Variants in CHD1 observed in about 807,000 individuals in gnomAD.
The protein encoded by CHD1 is ATP-dependent chromatin remodeler CHD1.
CHD1 carries 36 observed loss-of-function variants against 224.2 expected under a neutral mutation model. The ratio of observed to expected loss-of-function variants is 0.16; its 90% CI spans 0.12 to 0.21. The LOEUF (loss-of-function observed/expected upper bound fraction) is 0.21, where lower values mean the gene tolerates loss of function less well. CHD1 is among the 10% of genes least tolerant of loss of function. The pLI is 1.00. For missense variants in CHD1, 1,378 were observed against 1,994.8 expected, an observed-to-expected ratio of 0.69 and a Z score of 5.89; for synonymous variants, 668 against 658.3, an observed-to-expected ratio of 1.01 and a Z score of -0.23.
intron 19 of CHD1, among the ~76,000 whole-genome samples, 160 bp downstream of exon 19, chr5:98,882,928 A>T (rs1229392971): frequency 6.6e-6 from 1 of 152,138 alleles, no homozygotes; most frequent in Non-Finnish European, 1.5e-5. Flanking sequence ...CAGACTCTCC[A>T]GGTGATTTTG....
At chr5:98,858,914 T>TAAA (rs751382695) in intron 34 of CHD1, 50 bp downstream of exon 34, 1 of 1,322,378 alleles carries the variant, frequency 7.6e-7, no homozygotes, top group Non-Finnish European at 1.0e-6. Flanking sequence ...AACAAAAATT[T>TAAA]AAAAAAAATT....
At chr5:98,859,843 G>A in intron 33 of CHD1, 129 bp downstream of exon 33, 1 of 515,604 alleles carries the variant, frequency 1.9e-6, no homozygotes, top group East Asian at 3.3e-5. Flanking sequence ...TCATTACTGT[G>A]GTGTTCAATG....
At chr5:98,881,455 C>A in intron 20 of CHD1, 80 bp from the exon 21 acceptor site, 1 of 637,628 alleles carries the variant, frequency 1.6e-6, no homozygotes, top group Non-Finnish European at 2.6e-6. Context: ...TAATTACTGA[C>A]ATTTTCACCT....
intron 5 of CHD1, among the ~76,000 whole-genome samples, chr5:98,902,165 T>C (rs1751761054): frequency 6.6e-6 from 1 of 152,010 alleles, no homozygotes; most frequent in South Asian, 2.1e-4. Context: ...TGATCCAATA[T>C]ACATCTATTA....
At chr5:98,880,450 CATAA>C (rs1750092513) in intron 22 of CHD1, among the ~76,000 whole-genome samples, 1 of 152,234 alleles carries the variant, frequency 6.6e-6, no homozygotes, top group East Asian at 1.9e-4. Context: ...GTAGGTGTTC[CATAA>C]ATATTTGTCA....
At chr5:98,925,127 A>C (rs1753370479) in intron 2 of CHD1, among the ~76,000 whole-genome samples, 2 of 152,168 alleles carry the variant, frequency 1.3e-5, no homozygotes, top group South Asian at 2.1e-4. Flanking sequence ...CACTGTAATT[A>C]ATGTTTTTTT....
chr5:98,908,514 A>C lies in CHD1; in HGVS notation c.54-3416T>G, dbSNP rs544936359. The stretch of plus-strand genomic sequence containing the variant: ...ATGTCAAGCATTAAATGAAGAGTAC[A>C]ATGTTTCATGGATAGATGAATAAAT... On this transcript the variant is annotated intron_variant, in intron 2 of 35. Coordinates refer to ENST00000614616, the MANE Select transcript of CHD1 (RefSeq NM_001270.4). Among the ~76,000 whole-genome samples, 11 of 152,280 alleles carry C rather than the reference A, an allele frequency of 7.2e-5. No homozygotes were observed. In the South Asian group the frequency reaches 2.3e-3, roughly 32 times the overall value.
Position 98,855,351 on chromosome 5 carries a change from C to T in CHD1, c.*1029G>A, listed in dbSNP as rs1036237357. The T allele has an allele frequency of 2.0e-5, 3 of 152,396 alleles. No homozygotes were observed. Among genetic ancestry groups the T allele is most frequent in the East Asian group, 1.9e-4 (1 of 5,198 alleles). 9.4% of individuals were successfully genotyped at this position (152,396 alleles called of 1,614,324 possible). ...ATTTGACATTATTGCCCACATAAAA[C>T]GGGAAAACAAACGGATTTACAATAA... On this transcript the variant is annotated 3_prime_UTR_variant, in exon 36 of 36. Coordinates refer to ENST00000614616, the MANE Select transcript of CHD1 (RefSeq NM_001270.4).
chr5:98,883,994 A>C (rs1281646271), intron 18 of CHD1: 3 of 152,066 alleles, frequency 2.0e-5, no homozygotes, highest in Non-Finnish European at 2.8e-5. Flanking sequence ...GGCAGGCACT[A>C]CCACACCCAG....
At chr5:98,892,819 G>T in intron 14 of CHD1, 106 bp from the exon 15 acceptor site, 1 of 595,162 alleles carries the variant, frequency 1.7e-6, no homozygotes. Flanking sequence ...AAATACTACA[G>T]ATTTTTAGAA....
At position 98,856,442 on chromosome 5, in the gene CHD1, A is replaced by G; in HGVS notation, c.5071T>C (p.Phe1691Leu). The change falls in exon 36 of 36, where the codon TTT becomes CTT. Residue 1691 changes from phenylalanine (F) to leucine (L), a missense_variant. Physicochemically the swap from Phe to Leu is conservative, Grantham distance 22. Transcript: ENST00000614616. ...CTTTTGTGTTCAACTGAATGTTCAA[A>G]TGGAGATCTGGAGCCATAAGGAGAT... ...QRSPYGSRSP[F>L]EHSVEHKSTP... 1 of 1,607,812 alleles carries G rather than the reference A, an allele frequency of 6.2e-7. No homozygotes were observed. The highest frequency in any genetic ancestry group is 1.4e-5 in the African/African-American group (1 of 72,248).
At chr5:98,889,314 C>T (rs1750852819) in intron 15 of CHD1, 76 bp from the exon 16 acceptor site, 2 of 1,097,340 alleles carry the variant, frequency 1.8e-6, no homozygotes, top group East Asian at 2.5e-5. Context: ...TTAAAACAAA[C>T]AAAAAAAGCC....
rs1748031890 is a variant in CHD1 at position 98,856,441 on chromosome 5, A to C, written c.5072T>G (p.Phe1691Cys). 1.2e-6 allele frequency: 2 copies of C among 1,608,350 alleles called. No individual in the cohort carries two copies. Among genetic ancestry groups the C allele is most frequent in the Admixed American group, 3.4e-5 (2 of 59,504 alleles). ...ACTTTTGTGTTCAACTGAATGTTCAAATGGAGATCTGGAGCCATAAGGAGA... is the reference window on the plus strand; with the variant it reads ...ACTTTTGTGTTCAACTGAATGTTCACATGGAGATCTGGAGCCATAAGGAGA... ...QRSPYGSRSP[F>C]EHSVEHKSTP... The change falls in exon 36 of 36, where the codon TTT (phenylalanine) becomes TGT (cysteine). Residue 1691 changes from phenylalanine (F) to cysteine (C), a missense_variant. Around this residue, in one of 16 missense-constraint regions of CHD1, gnomAD observed 278 missense variants for 298.5 expected, o/e 0.93. Transcript: ENST00000614616.
At chr5:98,861,092 C>T (rs1748435623) in intron 32 of CHD1, among the ~76,000 whole-genome samples, 1 of 152,162 alleles carries the variant, frequency 6.6e-6, no homozygotes, top group African/African-American at 2.4e-5. Flanking sequence ...TTGAACAAAG[C>T]ACCAGAGCTG....
chr5:98,897,071 A>G (rs1751391197), intron 11 of CHD1, 122 bp downstream of exon 11: 2 of 863,732 alleles, frequency 2.3e-6, no homozygotes, highest in Non-Finnish European at 3.6e-6. Flanking sequence ...TAGGAAATAC[A>G]AAGACTAGCA....
chr5:98,882,186 T>C (rs755200829), intron 19 of CHD1, 63 bp from the exon 20 acceptor site: 38 of 1,410,298 alleles, frequency 2.7e-5, no homozygotes, highest in Non-Finnish European at 3.7e-5. Flanking sequence ...TAACCTCAAG[T>C]GCCTAAACAC....
rs866286553 is a variant in CHD1 at position 98,904,841 on chromosome 5, A to G, written c.255+56T>C. On this transcript the variant is annotated intron_variant, in intron 3 of 35. Coordinates refer to ENST00000614616, the MANE Select transcript of CHD1 (RefSeq NM_001270.4). ...AAGAATGGTATAAACCAATCCTCTAAATTTTCCCAAAGTAATACAAGCAAT... is the reference window on the plus strand; with the variant it reads ...AAGAATGGTATAAACCAATCCTCTAGATTTTCCCAAAGTAATACAAGCAAT... 5 of 1,482,366 alleles carry G rather than the reference A, an allele frequency of 3.4e-6. No individual in the cohort carries two copies. In the Middle Eastern group the frequency reaches 8.6e-4, roughly 254 times the overall value. 91.8% of individuals were successfully genotyped at this position (1,482,366 alleles called of 1,614,324 possible).
intron 15 of CHD1, 89 bp from the exon 16 acceptor site, chr5:98,889,327 C>T (rs752427885): frequency 7.9e-5 from 72 of 912,416 alleles, no homozygotes; most frequent in Non-Finnish European, 1.0e-4. Flanking sequence ...AAAAAGCCAA[C>T]GATAGTACCA....
chr5:98,874,986 A>T (rs7718898), intron 25 of CHD1, 86 bp downstream of exon 25: 3 of 720,974 alleles, frequency 4.2e-6, no homozygotes, highest in East Asian at 5.6e-5. Flanking sequence ...TTAACAAAGT[A>T]GCTAAACTGA....
Sources: gnomAD v4.1 joint callset for allele counts (sites outside exome capture counted in the v4.1 genomes callset) on GRCh38, gnomAD v4.1.1 for gene constraint, gnomAD v4.1.1 regional missense constraint, MANE v1.5 for transcripts, NCBI Gene and HGNC (gene_info 2026-07-23, HGNC 2026-07-21) for gene names.